Variants in AGTPBP1 observed in about 807,000 individuals in gnomAD.
AGTPBP1 encodes cytosolic carboxypeptidase 1.
A neutral mutation model predicts 143.9 loss-of-function variants in AGTPBP1; 70 were observed. The observed-to-expected ratio is 0.49, with a 90% CI of 0.40 to 0.59. The LOEUF (loss-of-function observed/expected upper bound fraction) is 0.59, where lower values mean the gene tolerates loss of function less well. Among genes scored for constraint, AGTPBP1 ranks in the 20% least tolerant of loss-of-function variants. The pLI is 0.00. For missense variants in AGTPBP1, 1,229 were observed against 1,464.5 expected, an observed-to-expected ratio of 0.84 and a Z score of 2.62; for synonymous variants, 463 against 500.2, an observed-to-expected ratio of 0.93 and a Z score of 0.99.
chr9:85,803,445 A>C, the AGTPBP1 span, among the ~76,000 whole-genome samples: 1 of 152,148 alleles, frequency 6.6e-6, no homozygotes, highest in East Asian at 1.9e-4. Context: ...CACCTAGATC[A>C]GAGCTTCTCA....
the AGTPBP1 span, among the ~76,000 whole-genome samples, chr9:85,797,270 G>A: frequency 6.6e-6 from 1 of 151,980 alleles, no homozygotes; most frequent in East Asian, 1.9e-4. Flanking sequence ...AGTACTCCTG[G>A]CTAATTTTTT....
At chr9:85,747,806 T>A in the AGTPBP1 span, among the ~76,000 whole-genome samples, 2 of 152,200 alleles carry the variant, frequency 1.3e-5, no homozygotes, top group Non-Finnish European at 2.9e-5. Context: ...GAACTGGTAA[T>A]AATAATAATG....
At position 85,627,033 on chromosome 9, in the gene AGTPBP1, C is replaced by T. The variant is rs963668623; in HGVS notation, c.2015+5629G>A. 2.6e-5 allele frequency among the ~76,000 whole-genome samples: 4 copies of T among 151,952 alleles called. No homozygotes were observed. In the South Asian group the frequency reaches 8.3e-4, roughly 32 times the overall value. On this transcript the variant is annotated intron_variant, in intron 14 of 25. Coordinates refer to ENST00000357081, the MANE Select transcript of AGTPBP1 (RefSeq NM_001330701.2). The stretch of plus-strand genomic sequence containing the variant: ...GACTACCAAACTTTTTTAATATGAC[C>T]AACAAGAAACACATTTTAAAGATCA...
intron 2 of AGTPBP1, among the ~76,000 whole-genome samples, chr9:85,702,982 T>C (rs762943712): frequency 6.6e-6 from 1 of 152,218 alleles, no homozygotes; most frequent in Non-Finnish European, 1.5e-5. Context: ...TGCAAAACAA[T>C]TTAGGGTCCA....
rs1414755519 is a variant in AGTPBP1, at chr9:85,632,672, C to T, written c.2005G>A (p.Gly669Ser). Reference sequence around the variant, plus strand: ...AAATATGCAACTCACCTTTGTACACCATAAGGCCTTTCTAAAATAGGCTCT... The same window carrying T: ...AAATATGCAACTCACCTTTGTACACTATAAGGCCTTTCTAAAATAGGCTCT... ...FKEPILERPY[G>S]VQRTKIAQDI... The change falls in exon 14 of 26, where the codon GGT becomes AGT. Residue 669 changes from glycine (G) to serine (S), a missense_variant. Transcript: ENST00000357081. The T allele has an allele frequency of 6.2e-7, 1 of 1,605,690 alleles. No homozygotes were observed. Among genetic ancestry groups the T allele is most frequent in the Non-Finnish European group, 8.5e-7 (1 of 1,175,966 alleles).
At chr9:85,774,310 T>TA in the AGTPBP1 span, among the ~76,000 whole-genome samples, 6 of 152,210 alleles carry the variant, frequency 3.9e-5, no homozygotes, top group Admixed American at 1.3e-4. Context: ...GTCTAGTTTT[T>TA]ATGTAGAAAT....
intron 12 of AGTPBP1, among the ~76,000 whole-genome samples, chr9:85,644,517 A>G (rs889248636): frequency 3.9e-5 from 6 of 152,050 alleles, no homozygotes; most frequent in African/African-American, 1.4e-4. Flanking sequence ...ACAGCAGGGA[A>G]TTTTGTGTTT....
chr9:85,569,442 GA>G (rs1336604632), intron 25 of AGTPBP1, among the ~76,000 whole-genome samples: 3 of 151,882 alleles, frequency 2.0e-5, no homozygotes, highest in Non-Finnish European at 2.9e-5. Context: ...AGTAACTAAG[GA>G]AAAAAGTTTT....
chr9:85,632,888 C>G lies in AGTPBP1; in HGVS notation c.1789G>C (p.Val597Leu), dbSNP rs1025260260. Residue 597 changes from valine (V) to leucine (L), a missense_variant, in exon 14 of 26, where the codon GTT becomes CTT. Transcript: ENST00000357081. Reference protein sequence around the residue: ...VQLGKLCCTGVETEDDEDTES... With the variant: ...VQLGKLCCTGLETEDDEDTES... The stretch of plus-strand genomic sequence containing the variant: ...GTATCTTCATCATCTTCAGTTTCAA[C>G]TCCAGTGCAGCAAAGCTTCCCTAGC... The G allele has an allele frequency of 3.7e-6, 6 of 1,614,042 alleles. No individual in the cohort carries two copies. In the African/African-American group the frequency reaches 8.0e-5, roughly 22 times the overall value.
At chr9:85,550,192 T>TGA (rs72089458) in intron 25 of AGTPBP1, among the ~76,000 whole-genome samples, 36,825 of 144,748 alleles carry the variant, frequency 0.25, 4,697 homozygotes, top group Admixed American at 0.35. Flanking sequence ...TGTGTGTGTG[T>TGA]GTGAGAGAGA....
intron 25 of AGTPBP1, among the ~76,000 whole-genome samples, chr9:85,556,727 C>A (rs2132788405): frequency 6.6e-6 from 1 of 152,252 alleles, no homozygotes; most frequent in Non-Finnish European, 1.5e-5. Flanking sequence ...AAAGAAGAGA[C>A]ATTTTATGAT....
chr9:85,654,556 A>C (rs1273501038), intron 11 of AGTPBP1, among the ~76,000 whole-genome samples: 1 of 152,094 alleles, frequency 6.6e-6, no homozygotes, highest in East Asian at 1.9e-4. Flanking sequence ...AACATACATA[A>C]GTTGGGCCGG....
At chr9:85,769,589 T>C in the AGTPBP1 span, among the ~76,000 whole-genome samples, 1 of 151,962 alleles carries the variant, frequency 6.6e-6, no homozygotes, top group Admixed American at 6.6e-5. Flanking sequence ...CGATCTTCTC[T>C]AGTATGTGAA....
chr9:85,734,759 A>C (rs1839127953), intron 1 of AGTPBP1, among the ~76,000 whole-genome samples: 1 of 152,194 alleles, frequency 6.6e-6, no homozygotes, highest in Admixed American at 6.5e-5. Flanking sequence ...TTCCGGGTAT[A>C]TACTCAAAAG....
At chr9:85,768,224 T>C in the AGTPBP1 span, among the ~76,000 whole-genome samples, 1 of 152,238 alleles carries the variant, frequency 6.6e-6, no homozygotes, top group Admixed American at 6.5e-5. Context: ...AACTTAGATC[T>C]AAAACCATAG....
rs202070443 is a variant in AGTPBP1, at chr9:85,548,686, T to G, written c.3504-1400A>C. Reference sequence around the variant, plus strand: ...TTTGGTTTTTTTTTGTTTTTGTTTTTGTTTTTTGAGACAGAGTCTTTCTCT... The same window carrying G: ...TTTGGTTTTTTTTTGTTTTTGTTTTGGTTTTTTGAGACAGAGTCTTTCTCT... On this transcript the variant is annotated intron_variant, in intron 25 of 25. Coordinates refer to ENST00000357081, the MANE Select transcript of AGTPBP1 (RefSeq NM_001330701.2). Among the ~76,000 whole-genome samples, 1,220 of 148,772 alleles carry G rather than the reference T, an allele frequency of 8.2e-3. 11 individuals are homozygous for G. The highest frequency in any genetic ancestry group is 0.032 in the East Asian group (162 of 5,094).
At chr9:85,601,575 C>T (rs1319203948) in intron 17 of AGTPBP1, among the ~76,000 whole-genome samples, 1 of 152,240 alleles carries the variant, frequency 6.6e-6, no homozygotes, top group East Asian at 1.9e-4. Context: ...GTCACAGCCA[C>T]CACCAACACT....
intron 23 of AGTPBP1, among the ~76,000 whole-genome samples, chr9:85,584,688 A>G (rs914923929): frequency 1.1e-4 from 17 of 152,316 alleles, no homozygotes; most frequent in African/African-American, 3.8e-4. Context: ...AAAAAAATCA[A>G]TAGCTTTCCT....
At chr9:85,788,006 G>C in the AGTPBP1 span, 7 of 152,180 alleles carry the variant, frequency 4.6e-5, no homozygotes, top group East Asian at 7.7e-4. Flanking sequence ...CTAGGGAGTA[G>C]AGTTTCTTGG....
Sources: gnomAD v4.1 joint callset for allele counts (sites outside exome capture counted in the v4.1 genomes callset) on GRCh38, gnomAD v4.1.1 for gene constraint, MANE v1.5 for transcripts, NCBI Gene and HGNC (gene_info 2026-07-23, HGNC 2026-07-21) for gene names.